FTCD: variants seen among roughly 807,000 people sequenced by gnomAD.
FTCD encodes formimidoyltransferase cyclodeaminase.
FTCD carries 76 observed loss-of-function variants against 62.9 expected under a neutral mutation model. The observed-to-expected ratio is 1.21, with a 90% confidence interval of 1.00 to 1.46. The LOEUF (loss-of-function observed/expected upper bound fraction) is 1.46, where lower values mean the gene tolerates loss of function less well. Ranked by LOEUF, FTCD falls within the 40% of genes most tolerant of loss-of-function variation. FTCD has a pLI of 0.00. For synonymous variants in FTCD, 397 were observed against 336.9 expected (o/e 1.18, Z -1.95); for missense variants, 845 against 751.3 (o/e 1.12, Z -1.46).
At position 46,150,484 on chromosome 21, in the gene FTCD, C is replaced by T. The variant is rs2079243808; in HGVS notation, c.678G>A (p.Leu226=). The stretch of plus-strand genomic sequence containing the variant: ...ACACCTGAGCCAGGTTCTTCTCATC[C>T]AGGTACCAGCCAATGCCCTGAACTT... ...LKKVQGIGWY[L]DEKNLAQVST... The change falls in exon 6 of 14, where the codon CTG becomes CTA. Residue 226 remains leucine (L), a synonymous_variant. Coordinates refer to ENST00000397746, the MANE Select transcript of FTCD (RefSeq NM_206965.2). 2 of 1,613,144 alleles carry T rather than the reference C, an allele frequency of 1.2e-6. No individual in the cohort carries two copies. Among genetic ancestry groups the T allele is most frequent in the Non-Finnish European group, 1.7e-6 (2 of 1,179,892 alleles).
intron 13 of FTCD, 67 bp from the exon 14 acceptor site, chr21:46,137,140 C>T (rs544192147): frequency 1.2e-6 from 2 of 1,602,964 alleles, no homozygotes; most frequent in Non-Finnish European, 1.7e-6. Flanking sequence ...GGGCAGCAAC[C>T]TCCGACCCCC....
intron 10 of FTCD, among the ~76,000 whole-genome samples, chr21:46,145,176 A>G (rs894155286): frequency 6.6e-6 from 1 of 152,146 alleles, no homozygotes. Context: ...ACCGGCTGCC[A>G]TGGCCTGTGA....
At chr21:46,142,752 C>G (rs1199476151) in intron 10 of FTCD, 1 of 152,234 alleles carries the variant, frequency 6.6e-6, no homozygotes, top group Non-Finnish European at 1.5e-5. Flanking sequence ...TTATTTGGCC[C>G]CGCCCACATC....
intron 10 of FTCD, chr21:46,142,176 A>T (rs1418911738): frequency 6.6e-6 from 1 of 152,290 alleles, no homozygotes; most frequent in Non-Finnish European, 1.5e-5. Flanking sequence ...TGTGTCCGGA[A>T]TTGGTTCCTT....
At chr21:46,154,802 C>T (rs1330873512) in intron 1 of FTCD, among the ~76,000 whole-genome samples, 1 of 152,238 alleles carries the variant, frequency 6.6e-6, no homozygotes, top group African/African-American at 2.4e-5. Flanking sequence ...TTGCCCTGTC[C>T]CAGGGCCTTG....
intron 8 of FTCD, 82 bp downstream of exon 8, chr21:46,146,184 A>C: frequency 2.9e-6 from 3 of 1,020,474 alleles, no homozygotes; most frequent in Non-Finnish European, 4.5e-6. Context: ...CCGGGTCTCC[A>C]CGCAGGGACC....
intron 7 of FTCD, chr21:46,146,948 G>GC (rs1271676452): frequency 1.3e-5 from 2 of 152,732 alleles, no homozygotes; most frequent in Non-Finnish European, 2.9e-5. Flanking sequence ...CATAGAACCA[G>GC]CAAGCCACAA....
Position 46,139,024 on chromosome 21 carries a change from C to A in FTCD, c.1261-101G>T, listed in dbSNP as rs982464679. ...GCTGTAGCAAGGAGCATGTCCCAGGCAGGGACCAGTTCTCTGGGAACCAAG... is the reference window on the plus strand; with the variant it reads ...GCTGTAGCAAGGAGCATGTCCCAGGAAGGGACCAGTTCTCTGGGAACCAAG... On this transcript the variant is annotated intron_variant, in intron 10 of 13. Transcript: ENST00000397746. 7.8e-6 allele frequency: 7 copies of A among 902,660 alleles called. No individual in the cohort carries two copies. In the Admixed American group the frequency reaches 1.2e-4, roughly 16 times the overall value. The allele number at this position is 902,660 out of a possible 1,614,324, so 55.9% of individuals were successfully genotyped here.
chr21:46,145,063 G>A (rs1464424210), intron 10 of FTCD, among the ~76,000 whole-genome samples: 1 of 151,160 alleles, frequency 6.6e-6, no homozygotes, highest in African/African-American at 2.4e-5. Flanking sequence ...TCCTTTCCTG[G>A]AATTGCAGGC....
intron 7 of FTCD, among the ~76,000 whole-genome samples, chr21:46,147,667 G>C (rs779687930): frequency 6.6e-6 from 1 of 152,094 alleles, no homozygotes. Flanking sequence ...AGCCAGTCAC[G>C]GTGGCTCACG....
At chr21:46,153,428 G>A (rs1407039282) in intron 2 of FTCD, among the ~76,000 whole-genome samples, 1 of 152,110 alleles carries the variant, frequency 6.6e-6, no homozygotes, top group African/African-American at 2.4e-5. Flanking sequence ...CCAAGAGGGG[G>A]CGCTCGAGGC....
In FTCD at chr21:46,137,315, T is replaced by C; in HGVS notation, c.1463A>G (p.Glu488Gly). ...GAAATATGCGCCAAACACGCCCATCTCCAGGGCTTTGGCCGCCACCTGCAA... is the reference window on the plus strand; with the variant it reads ...GAAATATGCGCCAAACACGCCCATCCCCAGGGCTTTGGCCGCCACCTGCAA... ...SDLQVAAKALEMGVFGAYFNV... is the reference protein window; with the variant it reads ...SDLQVAAKALGMGVFGAYFNV... Residue 488 changes from glutamate to glycine, a missense_variant, in exon 13 of 14, where the codon GAG becomes GGG. Physicochemically the swap from Glu to Gly is moderately conservative, Grantham distance 98. Transcript: ENST00000397746. The C allele has an allele frequency of 6.2e-7, 1 of 1,613,624 alleles. No individual in the cohort carries two copies. The highest frequency in any genetic ancestry group is 8.5e-7 in the Non-Finnish European group (1 of 1,179,874).
At chr21:46,154,499 C>T (rs924032499) in intron 1 of FTCD, among the ~76,000 whole-genome samples, 167 bp from the exon 2 acceptor site, 7 of 152,200 alleles carry the variant, frequency 4.6e-5, no homozygotes, top group African/African-American at 1.4e-4. Context: ...CCGCACACAG[C>T]GGCCGCCCGG....
downstream of FTCD, chr21:46,136,661 A>G (rs2078872977): frequency 1.4e-6 from 2 of 1,470,138 alleles, no homozygotes; most frequent in Admixed American, 4.7e-5. Context: ...TCACGCTGCA[A>G]CCCCATTCCC....
At chr21:46,153,520 T>G (rs1425877871) in intron 2 of FTCD, among the ~76,000 whole-genome samples, 1 of 152,098 alleles carries the variant, frequency 6.6e-6, no homozygotes, top group African/African-American at 2.4e-5. Context: ...ACTAGCTGAG[T>G]CCCTCGCTGT....
At chr21:46,141,928 G>T (rs1016525173) in intron 10 of FTCD, among the ~76,000 whole-genome samples, 17 of 152,276 alleles carry the variant, frequency 1.1e-4, no homozygotes, top group South Asian at 2.1e-4. Flanking sequence ...CCCCGGGGAG[G>T]GGGGTGCTTC....
chr21:46,141,627 G>C (rs1020125741), intron 10 of FTCD, among the ~76,000 whole-genome samples: 1 of 151,672 alleles, frequency 6.6e-6, no homozygotes, highest in Non-Finnish European at 1.5e-5. Flanking sequence ...TAAAGATTAA[G>C]AGTCATTGTC....
chr21:46,154,453 G>A (rs2079382645), intron 1 of FTCD, 121 bp from the exon 2 acceptor site: 6 of 1,234,644 alleles, frequency 4.9e-6, no homozygotes, highest in Non-Finnish European at 4.6e-6. Flanking sequence ...AAGCCTTTGG[G>A]GGCTCTCCGA....
intron 7 of FTCD, among the ~76,000 whole-genome samples, chr21:46,147,205 C>G (rs1371914644): frequency 6.6e-6 from 1 of 152,092 alleles, no homozygotes; most frequent in Non-Finnish European, 1.5e-5. Context: ...GGTGACACCC[C>G]CAAGGATGAA....
Sources: gnomAD v4.1 joint callset for allele counts (sites outside exome capture counted in the v4.1 genomes callset) on GRCh38, gnomAD v4.1.1 for gene constraint, MANE v1.5 for transcripts, NCBI Gene and HGNC (gene_info 2026-07-23, HGNC 2026-07-21) for gene names.